ANKRD55: variants seen among roughly 807,000 people sequenced by gnomAD.
ANKRD55 encodes ankyrin repeat domain 55.
ANKRD55 carries 41 observed loss-of-function variants against 60.6 expected under a neutral mutation model. That is an observed-to-expected ratio of 0.68 (90% CI 0.53 to 0.88). The LOEUF (loss-of-function observed/expected upper bound fraction) is 0.88, where lower values mean the gene tolerates loss of function less well. Among genes scored for constraint, ANKRD55 ranks in the 40% least tolerant of loss-of-function variants. ANKRD55 has a pLI of 0.00. For synonymous variants in ANKRD55, 264 were observed against 290.3 expected, an observed-to-expected ratio of 0.91 and a Z score of 0.92; for missense variants, 732 against 767.6, an observed-to-expected ratio of 0.95 and a Z score of 0.55.
intron 6 of ANKRD55, among the ~76,000 whole-genome samples, chr5:56,157,355 T>C (rs528989628): frequency 5.9e-5 from 9 of 152,316 alleles, no homozygotes; most frequent in Middle Eastern, 3.4e-3. Flanking sequence ...CCCCATGTGA[T>C]AGTCTGAAAT....
At chr5:56,121,374 CTTT>C (rs35793814) in intron 8 of ANKRD55, among the ~76,000 whole-genome samples, 3 of 130,648 alleles carry the variant, frequency 2.3e-5, no homozygotes, top group Admixed American at 1.6e-4. Context: ...TGTTCCACCA[CTTT>C]TTTTTTTTTT....
intron 2 of ANKRD55, among the ~76,000 whole-genome samples, chr5:56,184,305 C>T (rs1758918768): frequency 6.6e-6 from 1 of 152,230 alleles, no homozygotes; most frequent in African/African-American, 2.4e-5. Flanking sequence ...TCTTCCTCTG[C>T]AGAGTCAGTC....
intron 8 of ANKRD55, among the ~76,000 whole-genome samples, chr5:56,117,852 G>C (rs888736888): frequency 6.6e-6 from 1 of 152,054 alleles, no homozygotes. Flanking sequence ...TGTTTAAAAA[G>C]TCCTTCATGG....
intron 7 of ANKRD55, among the ~76,000 whole-genome samples, chr5:56,132,122 A>T (rs1236535334): frequency 6.6e-6 from 1 of 151,968 alleles, no homozygotes; most frequent in African/African-American, 2.4e-5. Context: ...TTTAGTTATT[A>T]TAAAGTATTC....
intron 2 of ANKRD55, among the ~76,000 whole-genome samples, chr5:56,214,185 TTA>T: frequency 6.6e-6 from 1 of 152,284 alleles, no homozygotes. Flanking sequence ...CACATGGGGA[TTA>T]TTACAATTCA....
At chr5:56,147,105 C>T (rs1439335838) in intron 6 of ANKRD55, among the ~76,000 whole-genome samples, 1 of 152,138 alleles carries the variant, frequency 6.6e-6, no homozygotes, top group East Asian at 1.9e-4. Flanking sequence ...TTTCATACAC[C>T]TACTTGGTGC....
chr5:56,167,390 T>C (rs1190997568), intron 5 of ANKRD55, among the ~76,000 whole-genome samples: 5 of 152,238 alleles, frequency 3.3e-5, no homozygotes, highest in Non-Finnish European at 7.3e-5. Context: ...AAATATGATA[T>C]AATCATCTTA....
chr5:56,204,615 G>C (rs1052588392), intron 2 of ANKRD55, among the ~76,000 whole-genome samples: 3 of 152,102 alleles, frequency 2.0e-5, no homozygotes, highest in Admixed American at 2.0e-4. Flanking sequence ...ATGATTGTAA[G>C]TTTCCTGAGG....
At chr5:56,154,087 C>T (rs1159379906) in intron 6 of ANKRD55, among the ~76,000 whole-genome samples, 5 of 150,370 alleles carry the variant, frequency 3.3e-5, no homozygotes, top group Non-Finnish European at 7.4e-5. Flanking sequence ...GTGACGGGTG[C>T]CTGTAGTCCC....
At chr5:56,122,879 T>C (rs1383967432) in intron 8 of ANKRD55, among the ~76,000 whole-genome samples, 5 of 151,354 alleles carry the variant, frequency 3.3e-5, no homozygotes, top group East Asian at 2.0e-4. Flanking sequence ...AATCCTCACA[T>C]GTCAGCCCCC....
intron 3 of ANKRD55, 49 bp downstream of exon 3, chr5:56,183,462 TA>T (rs745910138): frequency 6.2e-7 from 1 of 1,605,930 alleles, no homozygotes; most frequent in Non-Finnish European, 8.5e-7. Context: ...AGGCCATCTC[TA>T]AAAAAATAGA....
chr5:56,168,959 T>G lies in ANKRD55; in HGVS notation c.422+1735A>C, dbSNP rs569989627. Reference sequence around the variant, plus strand: ...GCAACCTCCGCCTCCTGGGTTCAAGTGATTCTCCTGCTTCAGCCTCCTGAG... The same window carrying G: ...GCAACCTCCGCCTCCTGGGTTCAAGGGATTCTCCTGCTTCAGCCTCCTGAG... On this transcript the variant is annotated intron_variant, in intron 5 of 11. Transcript: ENST00000341048. 1.8e-4 allele frequency among the ~76,000 whole-genome samples: 28 copies of G among 152,330 alleles called. No homozygotes were observed. In the South Asian group the frequency reaches 3.3e-3, roughly 18 times the overall value.
At chr5:56,107,485 G>T (rs1355469612) in intron 10 of ANKRD55, among the ~76,000 whole-genome samples, 1 of 152,092 alleles carries the variant, frequency 6.6e-6, no homozygotes, top group Non-Finnish European at 1.5e-5. Flanking sequence ...TGGCACATGT[G>T]TCAGAATGTA....
chr5:56,100,339 A>G, intron 11 of ANKRD55, 35 bp from the exon 12 acceptor site: 2 of 1,613,238 alleles, frequency 1.2e-6, no homozygotes, highest in South Asian at 1.1e-5. Context: ...GACTTTCAAG[A>G]TTTGCTTCTC....
intron 2 of ANKRD55, chr5:56,193,561 T>C: frequency 5.4e-6 from 2 of 370,798 alleles, no homozygotes; most frequent in Non-Finnish European, 5.1e-6. Flanking sequence ...TCAAGCTACC[T>C]TACCTGAAAA....
chr5:56,218,784 G>A (rs1167248245), intron 2 of ANKRD55, among the ~76,000 whole-genome samples: 1 of 152,040 alleles, frequency 6.6e-6, no homozygotes, highest in Non-Finnish European at 1.5e-5. Flanking sequence ...ACACACACAT[G>A]TTGAGGGAGA....
At chr5:56,201,832 A>G (rs964394581) in intron 2 of ANKRD55, among the ~76,000 whole-genome samples, 1 of 152,246 alleles carries the variant, frequency 6.6e-6, no homozygotes, top group African/African-American at 2.4e-5. Flanking sequence ...TATTATAAAG[A>G]TACTTGCATG....
intron 1 of ANKRD55, 131 bp from the exon 2 acceptor site, chr5:56,233,077 T>G (rs1581038300): frequency 1.5e-6 from 1 of 646,160 alleles, no homozygotes; most frequent in African/African-American, 1.8e-5. Context: ...GGCAAGGTGA[T>G]GAAAATAGGT....
intron 8 of ANKRD55, 148 bp from the exon 9 acceptor site, chr5:56,116,930 AGCCCG>A: frequency 1.3e-6 from 1 of 791,462 alleles, no homozygotes; most frequent in South Asian, 2.0e-5. Flanking sequence ...GTGTTAAATG[AGCCCG>A]AAGGATGATG....
Sources: allele counts gnomAD v4.1 joint callset (sites outside exome capture counted in the v4.1 genomes callset), GRCh38; gene constraint gnomAD v4.1.1; transcripts MANE v1.5; gene names NCBI Gene and HGNC (gene_info 2026-07-23, HGNC 2026-07-21).